MDGA2: variants seen among roughly 807,000 people sequenced by gnomAD.
MDGA2 encodes the protein MAM domain containing glycosylphosphatidylinositol anchor 2, also known as MAM domain-containing glycosylphosphatidylinositol anchor protein 2.
Under a neutral mutation model 117.8 loss-of-function variants are expected in MDGA2, and 40 were observed. That is an observed-to-expected ratio of 0.34 (90% CI 0.26 to 0.44). MDGA2 has a LOEUF of 0.44. MDGA2 is among the 20% of genes least tolerant of loss of function. The pLI is 1.00. For synonymous variants in MDGA2, 452 were observed against 439.0 expected, an observed-to-expected ratio of 1.03 and a Z score of -0.37; for missense variants, 1,123 against 1,250.6, an observed-to-expected ratio of 0.90 and a Z score of 1.54.
chr14:47,383,994 T>TAGATAGAC (rs1891697714), intron 1 of MDGA2, among the ~76,000 whole-genome samples: 1 of 113,756 alleles, frequency 8.8e-6, no homozygotes, highest in Non-Finnish European at 1.9e-5. Flanking sequence ...GATAGATAGA[T>TAGATAGAC]AGATAGATAG....
chr14:46,915,269 T>G (rs1173719897), intron 10 of MDGA2, among the ~76,000 whole-genome samples: 2 of 152,148 alleles, frequency 1.3e-5, no homozygotes, highest in Non-Finnish European at 2.9e-5. Context: ...TAAATGTCAA[T>G]GCCTGGTAAA....
intron 1 of MDGA2, among the ~76,000 whole-genome samples, chr14:47,532,871 A>T (rs1895127970): frequency 6.6e-6 from 1 of 152,152 alleles, no homozygotes; most frequent in African/African-American, 2.4e-5. Flanking sequence ...CAGTGATCTG[A>T]TTTTGCTATG....
chr14:47,028,724 A>G (rs1216551553), intron 8 of MDGA2, among the ~76,000 whole-genome samples: 1 of 152,196 alleles, frequency 6.6e-6, no homozygotes, highest in Admixed American at 6.5e-5. Context: ...GAGAGGCAAC[A>G]TTGAATTATC....
intron 1 of MDGA2, among the ~76,000 whole-genome samples, chr14:47,634,913 T>C (rs1165722851): frequency 6.6e-6 from 1 of 152,086 alleles, no homozygotes; most frequent in Non-Finnish European, 1.5e-5. Flanking sequence ...ACTATTTCAA[T>C]GGCAGGCTAA....
intron 8 of MDGA2, among the ~76,000 whole-genome samples, chr14:47,018,732 T>TAAAAAAA (rs1888170628): frequency 5.2e-5 from 1 of 19,364 alleles, no homozygotes; most frequent in Non-Finnish European, 1.1e-4. Context: ...GCCATTTTAC[T>TAAAAAAA]GAAAAAAAAA....
At chr14:47,001,010 A>G (rs1441150037) in intron 8 of MDGA2, among the ~76,000 whole-genome samples, 1 of 152,050 alleles carries the variant, frequency 6.6e-6, no homozygotes, top group East Asian at 1.9e-4. Flanking sequence ...CAAGATGTGG[A>G]CAGAACATAA....
intron 2 of MDGA2, among the ~76,000 whole-genome samples, chr14:47,257,261 T>C (rs567699526): frequency 3.1e-3 from 475 of 152,254 alleles, no homozygotes; most frequent in Non-Finnish European, 4.5e-3. Flanking sequence ...CCCACACCAG[T>C]CCTCTCACAA....
At chr14:47,287,220 C>T (rs77986454) in intron 2 of MDGA2, among the ~76,000 whole-genome samples, 2,466 of 152,048 alleles carry the variant, frequency 0.016, 30 homozygotes, top group Non-Finnish European at 0.026. Context: ...TGATATATGC[C>T]AAGCCTTTTA....
At chr14:47,350,501 C>T (rs951669726) in intron 1 of MDGA2, among the ~76,000 whole-genome samples, 1 of 152,056 alleles carries the variant, frequency 6.6e-6, no homozygotes, top group Non-Finnish European at 1.5e-5. Flanking sequence ...ATATGAAATT[C>T]TAAATATACA....
intron 10 of MDGA2, among the ~76,000 whole-genome samples, chr14:46,916,048 G>A (rs1175799634): frequency 1.3e-5 from 2 of 152,188 alleles, no homozygotes; most frequent in East Asian, 1.9e-4. Context: ...GTCACACTTC[G>A]AGGAGAACAA....
At chr14:47,591,210 G>A (rs1896432774) in intron 1 of MDGA2, among the ~76,000 whole-genome samples, 1 of 152,020 alleles carries the variant, frequency 6.6e-6, no homozygotes, top group Non-Finnish European at 1.5e-5. Flanking sequence ...TGAAAATTCA[G>A]GTTTAAATTC....
At chr14:47,445,986 C>G (rs574513571) in intron 1 of MDGA2, among the ~76,000 whole-genome samples, 4 of 152,120 alleles carry the variant, frequency 2.6e-5, no homozygotes, top group South Asian at 2.1e-4. Flanking sequence ...ACAAAGCAGT[C>G]TGGGTCAATA....
chr14:47,089,734 T>C (rs551378616), intron 6 of MDGA2, among the ~76,000 whole-genome samples: 13 of 152,246 alleles, frequency 8.5e-5, no homozygotes, highest in African/African-American at 3.1e-4. Flanking sequence ...ATGTCCTTTG[T>C]AGGGACATGG....
intron 6 of MDGA2, among the ~76,000 whole-genome samples, chr14:47,075,817 A>T (rs990417183): frequency 6.6e-6 from 1 of 152,142 alleles, no homozygotes; most frequent in Non-Finnish European, 1.5e-5. Context: ...AATTAATATT[A>T]AAAAATCAGC....
At chr14:47,304,800 T>C (rs1254172969) in intron 1 of MDGA2, among the ~76,000 whole-genome samples, 1 of 152,138 alleles carries the variant, frequency 6.6e-6, no homozygotes, top group Non-Finnish European at 1.5e-5. Context: ...CTCTGTAATA[T>C]CAGGCTATCC....
intron 8 of MDGA2, among the ~76,000 whole-genome samples, chr14:46,965,834 A>G (rs1259023735): frequency 6.6e-6 from 1 of 152,172 alleles, no homozygotes; most frequent in African/African-American, 2.4e-5. Flanking sequence ...AAATTTATTC[A>G]GAATGTTTTT....
chr14:47,225,057 C>A (rs1886436054), intron 2 of MDGA2, among the ~76,000 whole-genome samples: 1 of 152,138 alleles, frequency 6.6e-6, no homozygotes, highest in Non-Finnish European at 1.5e-5. Flanking sequence ...AATTTTCTAA[C>A]AAAGCAACAA....
intron 1 of MDGA2, among the ~76,000 whole-genome samples, chr14:47,325,387 G>A (rs928250664): frequency 6.6e-6 from 1 of 152,116 alleles, no homozygotes; most frequent in Non-Finnish European, 1.5e-5. Flanking sequence ...TTTTCTCTTT[G>A]ACTATTGATT....
intron 6 of MDGA2, among the ~76,000 whole-genome samples, chr14:47,080,295 G>T (rs1293451328): frequency 1.3e-5 from 2 of 152,052 alleles, no homozygotes; most frequent in Non-Finnish European, 2.9e-5. Flanking sequence ...ATTATTTCTG[G>T]AGGAAATTTA....
Sources: allele counts gnomAD v4.1 joint callset (sites outside exome capture counted in the v4.1 genomes callset), GRCh38; gene constraint gnomAD v4.1.1; transcripts MANE v1.5; gene names NCBI Gene and HGNC (gene_info 2026-07-23, HGNC 2026-07-21).